The following SF3B3 variants were observed in gnomAD, a reference collection of about 807,000 sequenced individuals.
SF3B3 encodes the protein SAP 130.
In SF3B3, 33 loss-of-function variants were observed where a neutral mutation model predicts 139.2. That is an observed-to-expected ratio of 0.24 (90% CI 0.18 to 0.32). The LOEUF (loss-of-function observed/expected upper bound fraction) is 0.32. Ranked by LOEUF, SF3B3 falls within the 10% of genes least tolerant of loss-of-function variation. The pLI is 1.00. For missense variants in SF3B3, 818 were observed against 1,509.4 expected (o/e 0.54, Z 7.59); for synonymous variants, 596 against 563.6 (o/e 1.06, Z -0.81).
At chr16:70,542,524 A>C (rs548259460) in intron 9 of SF3B3, among the ~76,000 whole-genome samples, 1 of 152,304 alleles carries the variant, frequency 6.6e-6, no homozygotes, top group South Asian at 2.1e-4. Context: ...TTGAGTGACC[A>C]TTAGGGACCA....
In SF3B3 at chr16:70,572,022, C is replaced by A. The variant is rs1289451451; in HGVS notation, c.*209C>A. ...CACTGAGATTTGCTACACTTCTCCC[C>A]ACCTGGTACATGATACATGACCCCA... On this transcript the variant is annotated 3_prime_UTR_variant, in exon 26 of 26. Coordinates refer to ENST00000302516, the MANE Select transcript of SF3B3 (RefSeq NM_012426.5). The A allele has an allele frequency of 1.5e-6, 1 of 683,386 alleles. No individual in the cohort carries two copies. The highest frequency in any genetic ancestry group is 2.6e-6 in the Non-Finnish European group (1 of 384,064). The allele number at this position is 683,386 out of a possible 1,614,324, so 42.3% of individuals were successfully genotyped here. A position where few individuals can be genotyped will look rare whatever the true frequency, so the allele number is the denominator to read the frequency against.
At position 70,573,167 on chromosome 16, in the gene SF3B3, C is replaced by G. The variant is rs1036995588; in HGVS notation, c.*1354C>G. 6.6e-5 allele frequency: 10 copies of G among 152,164 alleles called. No individual in the cohort carries two copies. The highest frequency in any genetic ancestry group is 2.2e-4 in the African/African-American group (9 of 41,416). 9.4% of individuals were successfully genotyped at this position (152,164 alleles called of 1,614,324 possible). ...GGTTTTAGATCAGTCAAGAGAGACC[C>G]AGGTTTTGCCAGGAATCGAATCCCT... On this transcript the variant is annotated 3_prime_UTR_variant, in exon 26 of 26. Transcript: ENST00000302516.
At chr16:70,566,277 G>A (rs1479902081) in intron 20 of SF3B3, among the ~76,000 whole-genome samples, 1 of 150,286 alleles carries the variant, frequency 6.7e-6, no homozygotes, top group Admixed American at 6.6e-5. Context: ...ACTTAAAAAT[G>A]ACTGGCTGGG....
At chr16:70,529,293 G>C in intron 3 of SF3B3, 94 bp downstream of exon 3, 4 of 1,013,380 alleles carry the variant, frequency 3.9e-6, no homozygotes, top group Non-Finnish European at 5.8e-6. Flanking sequence ...TTACTTATGT[G>C]GGTTTGGCAT....
chr16:70,556,727 G>A, intron 14 of SF3B3, 159 bp from the exon 15 acceptor site: 2 of 692,596 alleles, frequency 2.9e-6, no homozygotes, highest in Non-Finnish European at 4.8e-6. Context: ...CTGAAATTGG[G>A]TGTAACTAAT....
At chr16:70,562,193 T>C (rs2151792210) in intron 17 of SF3B3, among the ~76,000 whole-genome samples, 1 of 152,374 alleles carries the variant, frequency 6.6e-6, no homozygotes, top group South Asian at 2.1e-4. Context: ...CTTTTTCAAG[T>C]TGACAAAACT....
At chr16:70,530,127 A>AAAATAAATAAATAAATAAAT (rs148897352) in intron 3 of SF3B3, among the ~76,000 whole-genome samples, 1 of 133,072 alleles carries the variant, frequency 7.5e-6, no homozygotes, top group East Asian at 2.2e-4. Context: ...CTGCATCTCA[A>AAAATAAATAAATAAATAAAT]AAATAAATAA....
In SF3B3 at chr16:70,532,520, C is replaced by G; in HGVS notation, c.612C>G (p.Thr204=). Residue 204 remains threonine, a synonymous_variant, in exon 5 of 26, where the codon ACC becomes ACG. Coordinates refer to ENST00000302516, the MANE Select transcript of SF3B3 (RefSeq NM_012426.5). ...NDPTGEAAAN[T]QQTLTFYELD... The stretch of plus-strand genomic sequence containing the variant: ...CAACAGGGGAAGCAGCAGCTAATAC[C>G]CAGCAGACACTTACTTTCTATGAGC... 1 of 1,613,980 alleles carries G rather than the reference C, an allele frequency of 6.2e-7. No individual in the cohort carries two copies.
chr16:70,558,931 G>A (rs2050402952), intron 15 of SF3B3, among the ~76,000 whole-genome samples: 1 of 152,160 alleles, frequency 6.6e-6, no homozygotes, highest in South Asian at 2.1e-4. Context: ...TGTGGCTTGG[G>A]GTAGCTATAG....
rs2050018881 is a variant in SF3B3, at chr16:70,523,943, T to A, written c.-71+15T>A. 1 of 427,192 alleles carries A rather than the reference T, an allele frequency of 2.3e-6. No homozygotes were observed. Among genetic ancestry groups the A allele is most frequent in the Non-Finnish European group, 4.1e-6 (1 of 242,816 alleles). The allele number at this position is 427,192 out of a possible 1,614,324, so 26.5% of individuals were successfully genotyped here. A position where few individuals can be genotyped will look rare whatever the true frequency, so the allele number is the denominator to read the frequency against. ...CTCGCTGCAGGGTAAAAAAACAGCC[T>A]GGAGACTTCCCCGGGCCCGGGGAGG... On this transcript the variant is annotated intron_variant, in intron 1 of 25. Coordinates refer to ENST00000302516, the MANE Select transcript of SF3B3 (RefSeq NM_012426.5).
intron 17 of SF3B3, among the ~76,000 whole-genome samples, chr16:70,562,197 C>T (rs541000338): frequency 1.3e-5 from 2 of 152,246 alleles, no homozygotes; most frequent in South Asian, 4.1e-4. Context: ...TTCAAGTTGA[C>T]AAAACTGTTC....
At chr16:70,568,549 G>T (rs1029501381) in intron 22 of SF3B3, 54 bp downstream of exon 22, 19 of 1,426,930 alleles carry the variant, frequency 1.3e-5, no homozygotes, top group Non-Finnish European at 1.9e-5. Flanking sequence ...AGCTGGCTCA[G>T]TTTCTTGTGG....
In SF3B3 at chr16:70,529,173, A is replaced by G; in HGVS notation, c.371A>G (p.Asp124Gly). The change falls in exon 3 of 26, where the codon GAT becomes GGT. Residue 124 changes from aspartate to glycine, a missense_variant. Physicochemically the swap from Asp to Gly is moderately conservative, Grantham distance 94. Coordinates refer to ENST00000302516, the MANE Select transcript of SF3B3 (RefSeq NM_012426.5). ...RIVPGQFLAVDPKGRAVMISA... is the reference protein window; with the variant it reads ...RIVPGQFLAVGPKGRAVMISA... ...GTTCCTGGCCAGTTCTTAGCTGTGG[A>G]TCCCAAAGGGCGAGCCGTTATGATT... is the stretch of plus-strand genomic sequence containing the variant. 6.2e-7 allele frequency: 1 copy of G among 1,613,602 alleles called. No individual in the cohort carries two copies. The highest frequency in any genetic ancestry group is 8.5e-7 in the Non-Finnish European group (1 of 1,179,802).
At chr16:70,528,564 C>G (rs2050089326) in intron 2 of SF3B3, among the ~76,000 whole-genome samples, 1 of 149,938 alleles carries the variant, frequency 6.7e-6, no homozygotes, top group African/African-American at 2.5e-5. Context: ...CTCTGAACTC[C>G]TGGGTTCAAA....
rs192172333 is a variant in SF3B3, at chr16:70,560,368, A to G, written c.2011-101A>G. 92 of 1,229,110 alleles carry G rather than the reference A, an allele frequency of 7.5e-5. 1 individual carries two copies. The East Asian group carries it at 2.3e-3, about 30-fold the overall frequency. 76.1% of individuals were successfully genotyped at this position (1,229,110 alleles called of 1,614,324 possible). ...TTAAACACCCAAGTCATTTCTTTCT[A>G]TCTGCTCTAATTTCTTATGTGAAGT... On this transcript the variant is annotated intron_variant, in intron 15 of 25. Transcript: ENST00000302516.
intron 2 of SF3B3, among the ~76,000 whole-genome samples, chr16:70,527,400 A>C (rs950290242): frequency 6.6e-5 from 10 of 152,370 alleles, no homozygotes; most frequent in Middle Eastern, 3.4e-3. Flanking sequence ...AGTCAATCCA[A>C]GTAATGCAGG....
In SF3B3 at chr16:70,556,650, G is replaced by A. The variant is rs2050381890; in HGVS notation, c.1867-236G>A. 8.3e-6 allele frequency: 5 copies of A among 603,866 alleles called. No individual in the cohort carries two copies. The Admixed American group carries it at 9.0e-5, about 11-fold the overall frequency. The allele number at this position is 603,866 out of a possible 1,614,324, so 37.4% of individuals were successfully genotyped here. On this transcript the variant is annotated intron_variant, in intron 14 of 25. Coordinates refer to ENST00000302516, the MANE Select transcript of SF3B3 (RefSeq NM_012426.5). ...GGTGACTTTTCAGGAGGTGTGCTTTGCTTAATTACCTTTGCCATTATCTTC... is the reference window on the plus strand; with the variant it reads ...GGTGACTTTTCAGGAGGTGTGCTTTACTTAATTACCTTTGCCATTATCTTC...
chr16:70,548,885 T>A (rs1290672947), intron 11 of SF3B3, among the ~76,000 whole-genome samples: 2 of 152,228 alleles, frequency 1.3e-5, no homozygotes, highest in Non-Finnish European at 2.9e-5. Flanking sequence ...TGTTAGTCAA[T>A]CTTGCTAGTG....
intron 3 of SF3B3, 35 bp from the exon 4 acceptor site, chr16:70,530,710 G>C: frequency 6.4e-7 from 1 of 1,559,472 alleles, no homozygotes; most frequent in Non-Finnish European, 8.7e-7. Context: ...CTCATTATCT[G>C]GGAATCTTGT....
Sources: allele counts gnomAD v4.1 joint callset (sites outside exome capture counted in the v4.1 genomes callset), GRCh38; gene constraint gnomAD v4.1.1; transcripts MANE v1.5; gene names NCBI Gene and HGNC (gene_info 2026-07-23, HGNC 2026-07-21).